Variants in PLCL1 observed in about 807,000 individuals in gnomAD.
PLCL1 encodes the protein inactive phospholipase C-like protein 1.
PLCL1 carries 41 observed loss-of-function variants against 84.4 expected under a neutral mutation model. The ratio of observed to expected loss-of-function variants is 0.49; its 90% CI spans 0.38 to 0.63. The LOEUF is 0.63. Among genes scored for constraint, PLCL1 ranks in the 30% least tolerant of loss-of-function variants. The probability of loss-of-function intolerance (pLI) is 0.00; values close to 1 mark genes in which losing one functional copy is unlikely to be tolerated. For synonymous variants in PLCL1, 490 were observed against 488.3 expected, an observed-to-expected ratio of 1.00 and a Z score of -0.05; for missense variants, 1,206 against 1,367.8, an observed-to-expected ratio of 0.88 and a Z score of 1.87.
At chr2:197,949,931 TAGAGA>T (rs1390885454) in intron 1 of PLCL1, among the ~76,000 whole-genome samples, 1 of 152,110 alleles carries the variant, frequency 6.6e-6, no homozygotes, top group African/African-American at 2.4e-5. Flanking sequence ...TGGTGGAGAA[TAGAGA>T]GGGCTATTGG....
chr2:197,945,131 T>C (rs2105777944), intron 1 of PLCL1, among the ~76,000 whole-genome samples: 1 of 152,342 alleles, frequency 6.6e-6, no homozygotes, highest in South Asian at 2.1e-4. Flanking sequence ...TGGGAAGTAC[T>C]TTTTGACCTT....
chr2:197,918,971 T>TCTCTCTCTCTCA (rs373512508), intron 1 of PLCL1, among the ~76,000 whole-genome samples: 19,846 of 144,202 alleles, frequency 0.14, 2,095 homozygotes, highest in East Asian at 0.28. Context: ...TCTCTCTCCC[T>TCTCTCTCTCTCA]CACACACACA....
intron 1 of PLCL1, among the ~76,000 whole-genome samples, chr2:197,993,569 G>A (rs1690389867): frequency 6.6e-6 from 1 of 152,056 alleles, no homozygotes; most frequent in Non-Finnish European, 1.5e-5. Context: ...GTGTAACAGT[G>A]TAGAGTCATT....
intron 1 of PLCL1, among the ~76,000 whole-genome samples, chr2:197,821,492 T>A (rs1690814896): frequency 6.6e-6 from 1 of 152,186 alleles, no homozygotes; most frequent in African/African-American, 2.4e-5. Context: ...CTCTGCTCCG[T>A]AAAGTAATTC....
At chr2:197,966,845 A>AT (rs34706360) in intron 1 of PLCL1, among the ~76,000 whole-genome samples, 1,924 of 100,234 alleles carry the variant, frequency 0.019, 38 homozygotes, top group African/African-American at 0.048. Flanking sequence ...ATCCATACTA[A>AT]TTTTTTTTTT....
At chr2:198,026,536 T>C (rs1457271891) in intron 1 of PLCL1, among the ~76,000 whole-genome samples, 1 of 152,216 alleles carries the variant, frequency 6.6e-6, no homozygotes, top group Non-Finnish European at 1.5e-5. Flanking sequence ...GACAGATTTC[T>C]AGATTGTAAA....
intron 3 of PLCL1, among the ~76,000 whole-genome samples, chr2:198,095,395 A>T (rs962812992): frequency 6.6e-6 from 1 of 152,212 alleles, no homozygotes; most frequent in Non-Finnish European, 1.5e-5. Flanking sequence ...AAGTAATATG[A>T]CTTTTTTTCA....
chr2:197,979,266 C>A, intron 1 of PLCL1, among the ~76,000 whole-genome samples: 1 of 152,086 alleles, frequency 6.6e-6, no homozygotes, highest in Non-Finnish European at 1.5e-5. Flanking sequence ...GTTATTTTGT[C>A]CAATTGATAT....
At chr2:198,144,141 A>G (rs1694459199) in intron 5 of PLCL1, among the ~76,000 whole-genome samples, 1 of 152,210 alleles carries the variant, frequency 6.6e-6, no homozygotes, top group Non-Finnish European at 1.5e-5. Flanking sequence ...GCTGTGGGAA[A>G]AGGGGATGTG....
chr2:198,118,229 T>C (rs1693790090), intron 5 of PLCL1, among the ~76,000 whole-genome samples: 2 of 151,942 alleles, frequency 1.3e-5, no homozygotes, highest in Admixed American at 1.3e-4. Flanking sequence ...CTGAAAAATA[T>C]AGTCTTTGCT....
At chr2:198,109,658 G>C (rs1693568522) in intron 5 of PLCL1, among the ~76,000 whole-genome samples, 1 of 151,830 alleles carries the variant, frequency 6.6e-6, no homozygotes. Flanking sequence ...TTGCAATGAA[G>C]TGGAATTCAT....
intron 1 of PLCL1, among the ~76,000 whole-genome samples, chr2:197,953,816 C>T (rs1221704397): frequency 4.6e-5 from 7 of 151,104 alleles, no homozygotes; most frequent in African/African-American, 1.7e-4. Context: ...GTTATCTTTT[C>T]TAAGTGTTTT....
chr2:198,086,301 A>C, intron 2 of PLCL1, 69 bp downstream of exon 2: 1 of 1,147,940 alleles, frequency 8.7e-7, no homozygotes, highest in Non-Finnish European at 1.2e-6. Context: ...TTTTATTAAT[A>C]ATCTGATTTG....
chr2:198,007,637 C>T (rs75619562), intron 1 of PLCL1, among the ~76,000 whole-genome samples: 42 of 152,222 alleles, frequency 2.8e-4, no homozygotes, highest in Admixed American at 9.2e-4. Flanking sequence ...AATGTTAACC[C>T]TCTCTTTTAT....
At chr2:197,989,173 TATTC>T (rs34913887) in intron 1 of PLCL1, among the ~76,000 whole-genome samples, 2 of 152,214 alleles carry the variant, frequency 1.3e-5, no homozygotes, top group Non-Finnish European at 2.9e-5. Context: ...TTCTTATTAC[TATTC>T]ATTCATTCAT....
chr2:197,929,286 C>G (rs1688888772), intron 1 of PLCL1, among the ~76,000 whole-genome samples: 1 of 152,162 alleles, frequency 6.6e-6, no homozygotes, highest in Non-Finnish European at 1.5e-5. Flanking sequence ...ACGCCTTCTC[C>G]TGATTTGGGT....
chr2:197,921,360 A>G lies in PLCL1; in HGVS notation c.240+116021A>G, dbSNP rs1688696543. On this transcript the variant is annotated intron_variant, in intron 1 of 5. Coordinates refer to ENST00000428675, the MANE Select transcript of PLCL1 (RefSeq NM_006226.4). ...CATGGAACCTATGAAATAGGAAAAC[A>G]AGAGGCACCTCTATTAATTAATAGG... 2.0e-5 allele frequency among the ~76,000 whole-genome samples: 3 copies of G among 152,290 alleles called. No homozygotes were observed. In the South Asian group the frequency reaches 6.2e-4, roughly 32 times the overall value.
At chr2:198,061,513 C>G (rs547977577) in intron 1 of PLCL1, among the ~76,000 whole-genome samples, 1 of 152,218 alleles carries the variant, frequency 6.6e-6, no homozygotes, top group South Asian at 2.1e-4. Context: ...ACTAGAGAAG[C>G]TGGCTTCATT....
chr2:198,011,608 A>G (rs1690869681), intron 1 of PLCL1, among the ~76,000 whole-genome samples: 1 of 152,028 alleles, frequency 6.6e-6, no homozygotes, highest in Non-Finnish European at 1.5e-5. Flanking sequence ...TTGTATATAT[A>G]TATCTGTAGA....
Sources: allele counts gnomAD v4.1 joint callset (sites outside exome capture counted in the v4.1 genomes callset), GRCh38; gene constraint gnomAD v4.1.1; transcripts MANE v1.5; gene names NCBI Gene and HGNC (gene_info 2026-07-23, HGNC 2026-07-21).